Variants in PIK3C2G observed in about 807,000 individuals in gnomAD.
The protein encoded by PIK3C2G is phosphatidylinositol 3-kinase C2 domain-containing subunit gamma.
A neutral mutation model predicts 181.1 loss-of-function variants in PIK3C2G; 168 were observed. That is an observed-to-expected ratio of 0.93 (90% CI 0.82 to 1.05). The LOEUF (loss-of-function observed/expected upper bound fraction) is 1.05. Ranked by LOEUF, PIK3C2G falls within the 50% of genes least tolerant of loss-of-function variation. The pLI is 0.00. For synonymous variants in PIK3C2G, 573 were observed against 592.2 expected (o/e 0.97, Z 0.47); for missense variants, 1,869 against 1,732.8 (o/e 1.08, Z -1.40).
chr12:18,389,796 G>C (rs1054731447), intron 14 of PIK3C2G, among the ~76,000 whole-genome samples: 9 of 152,142 alleles, frequency 5.9e-5, no homozygotes, highest in African/African-American at 2.2e-4. Context: ...TGTTTCCTAA[G>C]TGAAATATAC....
At chr12:18,722,088 C>T in the PIK3C2G span, among the ~76,000 whole-genome samples, 1 of 152,026 alleles carries the variant, frequency 6.6e-6, no homozygotes, top group East Asian at 1.9e-4. Context: ...AGACACTTCT[C>T]CCATTTTGTC....
rs569920026 is a variant in PIK3C2G at position 18,412,357 on chromosome 12, A to G, written c.2316-8584A>G. Among the ~76,000 whole-genome samples the G allele has an allele frequency of 1.1e-4, 16 of 152,276 alleles. No homozygotes were observed. In the East Asian group the frequency reaches 3.1e-3, roughly 29 times the overall value. ...ACAGGGGTGTTACAAGGCTAAAATT[A>G]TTTCCATAATAATTCTAAGATGCTA... On this transcript the variant is annotated intron_variant, in intron 16 of 32. Coordinates refer to ENST00000538779, the MANE Select transcript of PIK3C2G (RefSeq NM_001288772.2).
the PIK3C2G span, among the ~76,000 whole-genome samples, chr12:18,678,108 G>C: frequency 3.9e-5 from 6 of 152,080 alleles, no homozygotes; most frequent in Admixed American, 3.9e-4. Flanking sequence ...AAGCCCAGCT[G>C]TCCACAGAGT....
intron 16 of PIK3C2G, among the ~76,000 whole-genome samples, chr12:18,413,976 T>C (rs1305034922): frequency 6.6e-6 from 1 of 152,148 alleles, no homozygotes; most frequent in Non-Finnish European, 1.5e-5. Context: ...GTTTAAATAA[T>C]TTCAGATAAT....
the PIK3C2G span, among the ~76,000 whole-genome samples, chr12:18,696,577 G>T: frequency 1.3e-5 from 2 of 151,412 alleles, no homozygotes; most frequent in Admixed American, 6.6e-5. Flanking sequence ...ATTTCACTTT[G>T]TTGTAAGAAT....
At chr12:18,348,677 T>A (rs757705772) in intron 11 of PIK3C2G, among the ~76,000 whole-genome samples, 3 of 152,154 alleles carry the variant, frequency 2.0e-5, no homozygotes, top group Non-Finnish European at 4.4e-5. Context: ...CAGCAAGATG[T>A]CTTACCTCAT....
At chr12:18,545,974 TTCTC>T (rs1944401362) in intron 25 of PIK3C2G, among the ~76,000 whole-genome samples, 1 of 151,928 alleles carries the variant, frequency 6.6e-6, no homozygotes, top group Non-Finnish European at 1.5e-5. Flanking sequence ...TTAAGGAACT[TTCTC>T]AAAATCACAT....
At chr12:18,296,112 T>C (rs1323014941) in intron 5 of PIK3C2G, among the ~76,000 whole-genome samples, 1 of 152,074 alleles carries the variant, frequency 6.6e-6, no homozygotes, top group Non-Finnish European at 1.5e-5. Context: ...TCATGAAACA[T>C]ATGACTACAA....
chr12:18,472,696 A>G (rs1938570663), intron 18 of PIK3C2G, among the ~76,000 whole-genome samples: 1 of 152,024 alleles, frequency 6.6e-6, no homozygotes, highest in African/African-American at 2.4e-5. Context: ...ATCTATTCCA[A>G]TATTTTTATT....
chr12:18,490,070 C>T (rs1334263478), intron 19 of PIK3C2G, among the ~76,000 whole-genome samples: 1 of 152,032 alleles, frequency 6.6e-6, no homozygotes, highest in East Asian at 1.9e-4. Context: ...TTCCTAATGG[C>T]TACTTTTGTA....
chr12:18,334,236 G>A (rs1938283316), intron 8 of PIK3C2G, among the ~76,000 whole-genome samples: 1 of 151,928 alleles, frequency 6.6e-6, no homozygotes. Flanking sequence ...CCTGAATCTG[G>A]AGCACCTTTC....
intron 21 of PIK3C2G, 122 bp from the exon 22 acceptor site, chr12:18,497,497 A>G: frequency 1.5e-6 from 1 of 653,190 alleles, no homozygotes. Flanking sequence ...CAAAACCATT[A>G]AAACCACTCT....
intron 5 of PIK3C2G, among the ~76,000 whole-genome samples, chr12:18,312,401 G>T (rs539154017): frequency 1.3e-5 from 2 of 152,260 alleles, no homozygotes; most frequent in African/African-American, 4.8e-5. Context: ...CAGAGAAAAG[G>T]AATCTTTGAA....
Position 18,282,452 on chromosome 12 carries a change from G to C in PIK3C2G, c.371G>C (p.Cys124Ser), listed in dbSNP as rs761165027. The C allele has an allele frequency of 6.3e-7, 1 of 1,593,240 alleles. No homozygotes were observed. The highest frequency in any genetic ancestry group is 8.6e-7 in the Non-Finnish European group (1 of 1,167,972). Residue 124 changes from cysteine (C) to serine (S), a missense_variant, in exon 2 of 33, where the codon TGC (cysteine) becomes TCC (serine). Cys to Ser is a moderately radical substitution (Grantham distance 112). Coordinates refer to ENST00000538779, the MANE Select transcript of PIK3C2G (RefSeq NM_001288772.2). Reference sequence around the variant, plus strand: ...AAACCTCAAAATACGAATAAAGAATGCTCCTGGGGAAGCCCCATAGGAAAA... The same window carrying C: ...AAACCTCAAAATACGAATAAAGAATCCTCCTGGGGAAGCCCCATAGGAAAA... The part of the protein sequence containing the change: ...LPKPQNTNKE[C>S]SWGSPIGKHH...
At chr12:18,332,655 C>T (rs886563481) in intron 8 of PIK3C2G, among the ~76,000 whole-genome samples, 1 of 152,110 alleles carries the variant, frequency 6.6e-6, no homozygotes, top group Non-Finnish European at 1.5e-5. Flanking sequence ...AGCTTCTCAT[C>T]TATGTCCTAC....
intron 3 of PIK3C2G, among the ~76,000 whole-genome samples, chr12:18,290,301 C>A (rs1200247484): frequency 6.6e-6 from 1 of 152,024 alleles, no homozygotes; most frequent in African/African-American, 2.4e-5. Flanking sequence ...AGCAATTGTT[C>A]AGAATATAAG....
intron 2 of PIK3C2G, chr12:18,285,190 A>G (rs1471847225): frequency 6.6e-6 from 1 of 152,150 alleles, no homozygotes; most frequent in Non-Finnish European, 1.5e-5. Flanking sequence ...CACTCAAAAC[A>G]ATGGAAGCCA....
the PIK3C2G span, among the ~76,000 whole-genome samples, chr12:18,654,808 C>T: frequency 6.6e-6 from 1 of 152,024 alleles, no homozygotes; most frequent in African/African-American, 2.4e-5. Flanking sequence ...TGACAAACAT[C>T]GAACTCACCG....
chr12:18,380,003 G>A (rs1223127146), intron 13 of PIK3C2G, among the ~76,000 whole-genome samples: 6 of 152,110 alleles, frequency 3.9e-5, no homozygotes, highest in African/African-American at 7.2e-5. Flanking sequence ...ATCACATGAC[G>A]CCAAGTTTAA....
Sources: gnomAD v4.1 joint callset for allele counts (sites outside exome capture counted in the v4.1 genomes callset) on GRCh38, gnomAD v4.1.1 for gene constraint, MANE v1.5 for transcripts, NCBI Gene and HGNC (gene_info 2026-07-23, HGNC 2026-07-21) for gene names.